Variants in ATP6V0A2 observed in about 807,000 individuals in gnomAD.
The protein encoded by ATP6V0A2 is ATPase H+ transporting V0 subunit a2.
Under a neutral mutation model 104.4 loss-of-function variants are expected in ATP6V0A2, and 58 were observed. The observed-to-expected ratio is 0.56, with a 90% confidence interval of 0.45 to 0.69. The LOEUF (loss-of-function observed/expected upper bound fraction) is 0.69, where lower values mean the gene tolerates loss of function less well. Among genes scored for constraint, ATP6V0A2 ranks in the 30% least tolerant of loss-of-function variants. The pLI is 0.00. For synonymous variants in ATP6V0A2, 376 were observed against 397.9 expected (o/e 0.95, Z 0.65); for missense variants, 938 against 1,062.9 (o/e 0.88, Z 1.63).
chr12:123,722,036 GA>G (rs979910948), intron 2 of ATP6V0A2, among the ~76,000 whole-genome samples: 1 of 151,952 alleles, frequency 6.6e-6, no homozygotes, highest in African/African-American at 2.4e-5. Flanking sequence ...TATTAGAAAT[GA>G]AAAAAATGGG....
intron 1 of ATP6V0A2, among the ~76,000 whole-genome samples, chr12:123,717,289 T>C (rs1956351350): frequency 7.7e-6 from 1 of 129,116 alleles, no homozygotes; most frequent in African/African-American, 3.2e-5. Flanking sequence ...CGTTCCAGCC[T>C]GGGCAACAGA....
In ATP6V0A2 at chr12:123,733,923, T is replaced by C. The variant is rs1235928665; in HGVS notation, c.649-3T>C. The C allele has an allele frequency of 6.2e-7, 1 of 1,608,524 alleles. No individual in the cohort carries two copies. Among genetic ancestry groups the C allele is most frequent in the Non-Finnish European group, 8.5e-7 (1 of 1,175,020 alleles). Reference sequence around the variant, plus strand: ...AACACTTATCCTTATTCATTCTTTGTAGGGGGAAGTCATAAAATGGTATGT... The same window carrying C: ...AACACTTATCCTTATTCATTCTTTGCAGGGGGAAGTCATAAAATGGTATGT... On this transcript the variant is annotated splice_region_variant and splice_polypyrimidine_tract_variant and intron_variant, in intron 6 of 19. Coordinates refer to ENST00000330342, the MANE Select transcript of ATP6V0A2 (RefSeq NM_012463.4).
chr12:123,729,518 A>G (rs1245683350), intron 6 of ATP6V0A2, among the ~76,000 whole-genome samples: 1 of 151,874 alleles, frequency 6.6e-6, no homozygotes, highest in Non-Finnish European at 1.5e-5. Flanking sequence ...CCATGTACAT[A>G]CCTAACAGCT....
In ATP6V0A2 at chr12:123,744,885, C is replaced by T. The variant is rs1361973006; in HGVS notation, c.1518C>T (p.Asp506=). ...AEHKKMVLWN[D]SVVRHNSILQ... ...CTCACTCTGCTTTTTGTTACAGTGA[C>T]AGCGTCGTTAGACACAACAGCATTT... The change falls in exon 13 of 20, where the codon GAC becomes GAT. Residue 506 remains aspartate, a synonymous_variant. Transcript: ENST00000330342. The surrounding 1 kb of genome is among the most constrained non-coding windows in gnomAD (Gnocchi z 5.4). The T allele has an allele frequency of 6.2e-7, 1 of 1,614,172 alleles. No individual in the cohort carries two copies. Among genetic ancestry groups the T allele is most frequent in the South Asian group, 1.1e-5 (1 of 91,084 alleles).
At chr12:123,740,732 C>T (rs1229953910) in intron 9 of ATP6V0A2, among the ~76,000 whole-genome samples, 3 of 152,120 alleles carry the variant, frequency 2.0e-5, no homozygotes, top group African/African-American at 7.2e-5. Flanking sequence ...TCCTTTTTGT[C>T]TTTCGTTACT....
At chr12:123,726,052 T>C in intron 4 of ATP6V0A2, 145 bp from the exon 5 acceptor site, 2 of 663,956 alleles carry the variant, frequency 3.0e-6, no homozygotes, top group East Asian at 2.7e-5. Context: ...AGGATTGAGT[T>C]ATAAATCTAA....
intron 15 of ATP6V0A2, among the ~76,000 whole-genome samples, chr12:123,749,111 A>G (rs1369672345): frequency 6.6e-6 from 1 of 152,138 alleles, no homozygotes; most frequent in African/African-American, 2.4e-5. Flanking sequence ...GCAACACAGC[A>G]AGACCTCATC....
rs564766826 is a variant in ATP6V0A2 at position 123,744,998 on chromosome 12, TCTCTGGATG to T, written c.1605+32_1605+40del. On this transcript the variant is annotated intron_variant, in intron 13 of 19. Transcript: ENST00000330342. The surrounding 1 kb of genome is among the most constrained non-coding windows in gnomAD (Gnocchi z 5.4). ...GTGAGTGCACCACGCTCTGTCGTTGTCTCTGGATGCTCTGTGGTGCCACCTAGCTTCGGG... is the reference window on the plus strand; with the variant it reads ...GTGAGTGCACCACGCTCTGTCGTTGTCTCTGTGGTGCCACCTAGCTTCGGG... 1.4e-3 allele frequency: 2,242 copies of T among 1,607,750 alleles called. 40 individuals carry two copies. In the Admixed American group the frequency reaches 0.029, roughly 21 times the overall value.
Position 123,727,477 on chromosome 12 carries a change from G to T in ATP6V0A2, c.522-306G>T, listed in dbSNP as rs149952976. ...TATTTTTAGTAGAGACAGGGTTTCA[G>T]CATCTTGGACAGGCTGGTTTTGAAC... On this transcript the variant is annotated intron_variant, in intron 5 of 19. Transcript: ENST00000330342. Among the ~76,000 whole-genome samples, 1,043 of 152,128 alleles carry T rather than the reference G, an allele frequency of 6.9e-3. 5 individuals are homozygous for T. Among genetic ancestry groups the T allele is most frequent in the African/African-American group, 0.023 (958 of 41,512 alleles).
intron 15 of ATP6V0A2, 89 bp from the exon 16 acceptor site, chr12:123,751,021 T>C: frequency 6.4e-7 from 1 of 1,565,438 alleles, no homozygotes; most frequent in Non-Finnish European, 8.8e-7. Flanking sequence ...GGAGACATTG[T>C]TCGATCTTTC....
rs1221488319 is a variant in ATP6V0A2 at position 123,760,287 on chromosome 12, A to G, written c.*2255A>G. On this transcript the variant is annotated 3_prime_UTR_variant, in exon 20 of 20. Transcript: ENST00000330342. ...ATTTCTCTGTTGAAATCTATGTAGT[A>G]TTTATGTAGAATGTCATTATATGAA... The G allele has an allele frequency of 6.6e-6, 1 of 152,168 alleles. No individual in the cohort carries two copies. Among genetic ancestry groups the G allele is most frequent in the African/African-American group, 2.4e-5 (1 of 41,432 alleles). 9.4% of individuals were successfully genotyped at this position (152,168 alleles called of 1,614,324 possible).
At chr12:123,731,737 A>T (rs188675003) in intron 6 of ATP6V0A2, 1 of 152,052 alleles carries the variant, frequency 6.6e-6, no homozygotes, top group African/African-American at 2.4e-5. Context: ...CATTATCCTC[A>T]GTGTGTCTAG....
chr12:123,738,585 ATTTG>A (rs778758715), intron 9 of ATP6V0A2, among the ~76,000 whole-genome samples: 2 of 151,814 alleles, frequency 1.3e-5, no homozygotes, highest in Admixed American at 6.6e-5. Context: ...CTGTTTGTTT[ATTTG>A]TTTGTTTGTT....
chr12:123,732,885 AT>A (rs1956516597), intron 6 of ATP6V0A2: 1 of 151,778 alleles, frequency 6.6e-6, no homozygotes, highest in Non-Finnish European at 1.5e-5. Flanking sequence ...CAGGTCAGGG[AT>A]TTTTGTCAGT....
In ATP6V0A2 at chr12:123,744,942, C is replaced by G. The variant is rs1292390548; in HGVS notation, c.1575C>G (p.Phe525Leu). The change falls in exon 13 of 20, where the codon TTC (phenylalanine) becomes TTG (leucine). Residue 525 changes from phenylalanine (F) to leucine (L), a missense_variant. Physicochemically the swap from Phe to Leu is conservative, Grantham distance 22. Coordinates refer to ENST00000330342, the MANE Select transcript of ATP6V0A2 (RefSeq NM_012463.4). The surrounding 1 kb of genome is among the most constrained non-coding windows in gnomAD (Gnocchi z 5.4). Reference sequence around the variant, plus strand: ...TGGATCCAAGCATTCCTGGAGTGTTCCGAGGCCCTTATCCCCTTGGCATTG... The same window carrying G: ...TGGATCCAAGCATTCCTGGAGTGTTGCGAGGCCCTTATCCCCTTGGCATTG... ...LQLDPSIPGV[F>L]RGPYPLGIDP... 1 of 1,614,222 alleles carries G rather than the reference C, an allele frequency of 6.2e-7. No homozygotes were observed. The highest frequency in any genetic ancestry group is 1.7e-5 in the Admixed American group (1 of 60,026).
Position 123,748,545 on chromosome 12 carries a change from G to T in ATP6V0A2, c.1725-30G>T, listed in dbSNP as rs200061202. 439 of 1,524,268 alleles carry T rather than the reference G, an allele frequency of 2.9e-4. 2 individuals carry two copies. Among genetic ancestry groups the T allele is most frequent in the Middle Eastern group, 6.8e-4 (4 of 5,870 alleles). 94.4% of individuals were successfully genotyped at this position (1,524,268 alleles called of 1,614,324 possible). On this transcript the variant is annotated intron_variant, in intron 14 of 19. Transcript: ENST00000330342. The stretch of plus-strand genomic sequence containing the variant: ...TTTTTAACTTAGGCTGATCTTGTTC[G>T]TGGGTTGATTGATTCCTTTTCTTTC...
At chr12:123,751,521 G>A (rs1003497306) in intron 16 of ATP6V0A2, among the ~76,000 whole-genome samples, 3 of 152,086 alleles carry the variant, frequency 2.0e-5, no homozygotes, top group Non-Finnish European at 2.9e-5. Context: ...CGGTGTGGTG[G>A]TGTGCACCTT....
At chr12:123,748,899 GTC>G in intron 15 of ATP6V0A2, 114 bp downstream of exon 15, 1 of 1,023,714 alleles carries the variant, frequency 9.8e-7, no homozygotes, top group Non-Finnish European at 1.5e-6. Flanking sequence ...GGCTGCTTCT[GTC>G]TCTGCATGTG....
intron 1 of ATP6V0A2, among the ~76,000 whole-genome samples, chr12:123,716,146 A>G (rs1258467933): frequency 1.3e-5 from 2 of 151,300 alleles, no homozygotes; most frequent in African/African-American, 4.9e-5. Flanking sequence ...AGCTCATTGC[A>G]ACCTCTGCCT....
Sources: gnomAD v4.1 joint callset for allele counts (sites outside exome capture counted in the v4.1 genomes callset) on GRCh38, gnomAD v4.1.1 for gene constraint, Gnocchi (gnomAD v3.1) non-coding constraint, MANE v1.5 for transcripts, NCBI Gene and HGNC (gene_info 2026-07-23, HGNC 2026-07-21) for gene names.